Variants in PSMD9 observed in about 807,000 individuals in gnomAD.
The protein encoded by PSMD9 is 26S proteasome non-ATPase regulatory subunit 9.
A neutral mutation model predicts 25.9 loss-of-function variants in PSMD9; 26 were observed. That is an observed-to-expected ratio of 1.00 (90% confidence interval 0.73 to 1.39). The LOEUF is 1.39. PSMD9 is among the 40% of genes most tolerant of loss of function. The pLI is 0.00. For synonymous variants in PSMD9, 110 were observed against 114.5 expected (o/e 0.96, Z 0.25); for missense variants, 303 against 299.3 (o/e 1.01, Z -0.09).
At chr12:121,904,157 T>G (rs900021386) in intron 4 of PSMD9, among the ~76,000 whole-genome samples, 8 of 152,166 alleles carry the variant, frequency 5.3e-5, no homozygotes, top group African/African-American at 1.7e-4. Flanking sequence ...GCACTGATAC[T>G]GTCATCAAAT....
chr12:121,916,445 G>T lies in PSMD9; in HGVS notation c.*134G>T. The T allele has an allele frequency of 1.8e-6, 2 of 1,115,944 alleles. No individual in the cohort carries two copies. Among genetic ancestry groups the T allele is most frequent in the Non-Finnish European group, 2.7e-6 (2 of 739,114 alleles). The allele number at this position is 1,115,944 out of a possible 1,614,324, so 69.1% of individuals were successfully genotyped here. A position where few individuals can be genotyped will look rare whatever the true frequency, so the allele number is the denominator to read the frequency against. ...TTGTAACCTGAACTTCTGTGTGGTG[G>T]CAGTACTGTGGCCCACCAGTGTAAT... On this transcript the variant is annotated 3_prime_UTR_variant, in exon 6 of 6. Transcript: ENST00000541212.
chr12:121,889,367 G>C (rs971217590), intron 1 of PSMD9, among the ~76,000 whole-genome samples: 4 of 152,132 alleles, frequency 2.6e-5, no homozygotes, highest in African/African-American at 9.7e-5. Context: ...CATGTGCCTC[G>C]CTGACTGCCT....
chr12:121,894,916 A>C, intron 2 of PSMD9, 75 bp downstream of exon 2: 1 of 1,204,350 alleles, frequency 8.3e-7, no homozygotes, highest in Non-Finnish European at 1.2e-6. Flanking sequence ...AAAACCAACT[A>C]TCTGTATTAT....
At position 121,916,472 on chromosome 12, in the gene PSMD9, T is replaced by G. The variant is rs1879906645; in HGVS notation, c.*161T>G. On this transcript the variant is annotated 3_prime_UTR_variant, in exon 6 of 6. Coordinates refer to ENST00000541212, the MANE Select transcript of PSMD9 (RefSeq NM_002813.7). The stretch of plus-strand genomic sequence containing the variant: ...AGTACTGTGGCCCACCAGTGTAATC[T>G]CCCTGGATTAAGGCATTCTTAAAAA... 6 of 853,976 alleles carry G rather than the reference T, an allele frequency of 7.0e-6. No homozygotes were observed. The South Asian group carries it at 9.2e-5, about 13-fold the overall frequency. The allele number at this position is 853,976 out of a possible 1,614,324, so 52.9% of individuals were successfully genotyped here. A position where few individuals can be genotyped will look rare whatever the true frequency, so the allele number is the denominator to read the frequency against.
intron 4 of PSMD9, among the ~76,000 whole-genome samples, chr12:121,913,227 A>ACCC (rs1565896139): frequency 6.6e-6 from 1 of 151,544 alleles, no homozygotes; most frequent in African/African-American, 2.4e-5. Context: ...TACAGGCGTG[A>ACCC]GCCACCGCGC....
chr12:121,910,953 C>T (rs1220699971), intron 4 of PSMD9: 1 of 456,576 alleles, frequency 2.2e-6, no homozygotes, highest in East Asian at 7.0e-5. Flanking sequence ...CCCTGGCACC[C>T]ACCATCCTAC....
intron 3 of PSMD9, among the ~76,000 whole-genome samples, chr12:121,900,967 A>T (rs1257404542): frequency 4.1e-5 from 6 of 147,434 alleles, no homozygotes; most frequent in Admixed American, 6.8e-5. Flanking sequence ...AGCCTGGGCG[A>T]CAGAGTGAGA....
chr12:121,901,666 C>CTTCTTTTTTTTT (rs1879401097), intron 3 of PSMD9, among the ~76,000 whole-genome samples: 5 of 93,610 alleles, frequency 5.3e-5, no homozygotes, highest in African/African-American at 2.9e-4. Flanking sequence ...TTCATTCCTT[C>CTTCTTTTTTTTT]TTTTTTTTTT....
chr12:121,916,082 TC>T, intron 5 of PSMD9, 138 bp downstream of exon 5: 1 of 1,182,862 alleles, frequency 8.5e-7, no homozygotes, highest in Non-Finnish European at 1.2e-6. Context: ...AGATAAATCC[TC>T]GTGGTAGGAA....
chr12:121,908,369 A>G (rs529340507), intron 4 of PSMD9, among the ~76,000 whole-genome samples: 128 of 151,962 alleles, frequency 8.4e-4, no homozygotes, highest in African/African-American at 3.1e-3. Context: ...GTAGAGATGG[A>G]GTTTCTCCAT....
chr12:121,893,172 A>G (rs1257980811), intron 1 of PSMD9, among the ~76,000 whole-genome samples: 1 of 152,196 alleles, frequency 6.6e-6, no homozygotes, highest in Middle Eastern at 3.2e-3. Context: ...ATTGATTCTC[A>G]AAGGCTGGTC....
At chr12:121,910,407 G>A (rs1879685195) in intron 4 of PSMD9, among the ~76,000 whole-genome samples, 1 of 151,572 alleles carries the variant, frequency 6.6e-6, no homozygotes, top group South Asian at 2.1e-4. Context: ...CTTAGATTTA[G>A]AGATTCCATT....
chr12:121,914,552 A>G (rs2135734045), intron 4 of PSMD9: 1 of 151,698 alleles, frequency 6.6e-6, no homozygotes, highest in African/African-American at 2.4e-5. Context: ...TCTCAAAAAA[A>G]AGAAAGTAAT....
Position 121,899,821 on chromosome 12 carries a change from C to T in PSMD9, c.429C>T (p.Ser143=), listed in dbSNP as rs775630277. Residue 143 remains serine (S), a synonymous_variant, in exon 3 of 6, where the codon AGC becomes AGT. Coordinates refer to ENST00000541212, the MANE Select transcript of PSMD9 (RefSeq NM_002813.7). The part of the protein sequence containing the change: ...PRAFAKVNSI[S]PGSPASIAGL... ...CCTTCGCCAAAGTGAACAGCATCAG[C>T]CCCGGCTCCCCAGCCAGCATCGCGG... is the stretch of plus-strand genomic sequence containing the variant. 1.7e-5 allele frequency: 28 copies of T among 1,614,018 alleles called. No homozygotes were observed. The East Asian group carries it at 4.5e-4, about 26-fold the overall frequency.
intron 4 of PSMD9, among the ~76,000 whole-genome samples, chr12:121,912,536 T>C (rs1879755392): frequency 6.6e-6 from 1 of 152,132 alleles, no homozygotes; most frequent in South Asian, 2.1e-4. Flanking sequence ...CATCTTTTCC[T>C]GTGCTTTTTG....
chr12:121,912,006 CTTA>C (rs1351049314), intron 4 of PSMD9, among the ~76,000 whole-genome samples: 1 of 136,532 alleles, frequency 7.3e-6, no homozygotes, highest in East Asian at 2.1e-4. Context: ...AATGAGCTTG[CTTA>C]TTTATTTATT....
intron 2 of PSMD9, chr12:121,899,220 T>A (rs926948730): frequency 1.1e-5 from 2 of 178,902 alleles, no homozygotes; most frequent in African/African-American, 4.7e-5. Context: ...CCAGCCTGAG[T>A]CATTCATTCA....
intron 4 of PSMD9, among the ~76,000 whole-genome samples, chr12:121,912,997 C>A (rs1231285178): frequency 3.4e-5 from 5 of 147,072 alleles, no homozygotes; most frequent in Non-Finnish European, 6.0e-5. Flanking sequence ...AGTGCAGTGG[C>A]ACAATCTCGG....
chr12:121,911,063 G>A (rs1879705481), intron 4 of PSMD9: 4 of 451,918 alleles, frequency 8.9e-6, no homozygotes, highest in South Asian at 6.3e-5. Context: ...TTTTTGAGAT[G>A]GTGTCTCGCT....
Sources: allele counts gnomAD v4.1 joint callset (sites outside exome capture counted in the v4.1 genomes callset), GRCh38; gene constraint gnomAD v4.1.1; transcripts MANE v1.5; gene names NCBI Gene and HGNC (gene_info 2026-07-23, HGNC 2026-07-21).